Variants in FRMPD2 observed in about 807,000 individuals in gnomAD.
FRMPD2 encodes FERM and PDZ domain containing 2.
In FRMPD2, 96 loss-of-function variants were observed where a neutral mutation model predicts 140.1. That is an observed-to-expected ratio of 0.69 (90% CI 0.58 to 0.81). The LOEUF (loss-of-function observed/expected upper bound fraction) is 0.81, where lower values mean the gene tolerates loss of function less well. FRMPD2 is among the 40% of genes least tolerant of loss of function. The probability of loss-of-function intolerance (pLI) is 0.00; values close to 1 mark genes in which losing one functional copy is unlikely to be tolerated. For synonymous variants in FRMPD2, 449 were observed against 547.6 expected (o/e 0.82, Z 2.52); for missense variants, 1,240 against 1,447.4 (o/e 0.86, Z 2.32).
intron 25 of FRMPD2, among the ~76,000 whole-genome samples, chr10:48,171,568 C>T (rs1838256239): frequency 1.3e-5 from 2 of 152,298 alleles, no homozygotes; most frequent in South Asian, 4.1e-4. Context: ...AATATTACCA[C>T]TTCAACATGT....
At position 48,201,213 on chromosome 10, in the gene FRMPD2, A is replaced by G. The variant is rs368157164; in HGVS notation, c.1954+15T>C. 6.9e-6 allele frequency: 11 copies of G among 1,586,688 alleles called. No individual in the cohort carries two copies. The highest frequency in any genetic ancestry group is 1.8e-5 in the Admixed American group (1 of 55,470). ...ACTTGTCAAAGTGTATATGGAGAAT[A>G]CAGCTTCTACTCACCAAATAAAACA... On this transcript the variant is annotated intron_variant, in intron 15 of 28. Coordinates refer to ENST00000374201, the MANE Select transcript of FRMPD2 (RefSeq NM_001018071.4).
chr10:48,264,094 T>C (rs1789824242), intron 1 of FRMPD2, among the ~76,000 whole-genome samples: 1 of 151,922 alleles, frequency 6.6e-6, no homozygotes, highest in Non-Finnish European at 1.5e-5. Flanking sequence ...CAGCAAATCA[T>C]GATTAAAAAC....
intron 10 of FRMPD2, among the ~76,000 whole-genome samples, chr10:48,228,458 A>G (rs966302339): frequency 6.6e-6 from 1 of 151,976 alleles, no homozygotes; most frequent in Admixed American, 6.5e-5. Flanking sequence ...GTTGTTGAAC[A>G]TAAGTTTAAG....
At chr10:48,236,626 T>A in intron 8 of FRMPD2, 73 bp from the exon 9 acceptor site, 6 of 1,343,794 alleles carry the variant, frequency 4.5e-6, no homozygotes, top group Non-Finnish European at 6.4e-6. Flanking sequence ...TCCCCCATGA[T>A]GCACCTCTGC....
In FRMPD2 at chr10:48,239,487, C is replaced by A. The variant is rs1021213652; in HGVS notation, c.788+118G>T. ...TCATCTGTTAATGGAATAGCATTGG[C>A]ATTTTCTGGAGGAGCAAGAGGCTTC... On this transcript the variant is annotated intron_variant, in intron 7 of 28. Coordinates refer to ENST00000374201, the MANE Select transcript of FRMPD2 (RefSeq NM_001018071.4). The A allele has an allele frequency of 7.6e-6, 5 of 658,544 alleles. No homozygotes were observed. In the African/African-American group the frequency reaches 9.1e-5, roughly 12 times the overall value. The allele number at this position is 658,544 out of a possible 1,614,324, so 40.8% of individuals were successfully genotyped here.
intron 1 of FRMPD2, among the ~76,000 whole-genome samples, chr10:48,262,872 T>C (rs1840617793): frequency 1.3e-5 from 2 of 151,954 alleles, no homozygotes; most frequent in Admixed American, 6.6e-5. Flanking sequence ...ACCTCCTGGG[T>C]TCAAGCAATT....
At chr10:48,203,406 G>T (rs1361943425) in intron 14 of FRMPD2, among the ~76,000 whole-genome samples, 1 of 152,138 alleles carries the variant, frequency 6.6e-6, no homozygotes, top group Admixed American at 6.5e-5. Context: ...ATACGATGAT[G>T]TATAACTCCA....
chr10:48,272,944 A>C (rs1237867447), intron 1 of FRMPD2, among the ~76,000 whole-genome samples: 1 of 152,340 alleles, frequency 6.6e-6, no homozygotes, highest in African/African-American at 2.4e-5. Flanking sequence ...TTCAGTGGTC[A>C]ATTGCAAACA....
At chr10:48,267,669 T>C (rs1328816183) in intron 1 of FRMPD2, among the ~76,000 whole-genome samples, 1 of 152,192 alleles carries the variant, frequency 6.6e-6, no homozygotes, top group Admixed American at 6.5e-5. Context: ...AGGACTCAAA[T>C]AGATATTTCT....
At chr10:48,257,160 C>T (rs143103040) in intron 1 of FRMPD2, among the ~76,000 whole-genome samples, 171 of 151,846 alleles carry the variant, frequency 1.1e-3, no homozygotes, top group African/African-American at 4.0e-3. Context: ...GCCTTCTCCT[C>T]TTCTGTTTTA....
At chr10:48,204,561 A>G (rs1839162737) in intron 14 of FRMPD2, among the ~76,000 whole-genome samples, 1 of 152,256 alleles carries the variant, frequency 6.6e-6, no homozygotes, top group African/African-American at 2.4e-5. Context: ...TACGCCATTA[A>G]AAATTTGAAA....
intron 15 of FRMPD2, among the ~76,000 whole-genome samples, chr10:48,197,732 C>T (rs1838986476): frequency 6.6e-6 from 1 of 152,194 alleles, no homozygotes; most frequent in Non-Finnish European, 1.5e-5. Flanking sequence ...TAGACATTGA[C>T]AGCAGCTGTG....
intron 9 of FRMPD2, among the ~76,000 whole-genome samples, chr10:48,234,740 G>C (rs1839928107): frequency 6.6e-6 from 1 of 152,156 alleles, no homozygotes; most frequent in Admixed American, 6.5e-5. Flanking sequence ...CTAGAGGCAA[G>C]GGTCCAAGGT....
intron 1 of FRMPD2, among the ~76,000 whole-genome samples, chr10:48,268,643 C>A (rs1036398401): frequency 6.6e-6 from 1 of 152,168 alleles, no homozygotes; most frequent in Non-Finnish European, 1.5e-5. Flanking sequence ...ATGAGAAAAA[C>A]CAGTCTCAAA....
intron 7 of FRMPD2, among the ~76,000 whole-genome samples, chr10:48,239,079 C>T (rs1564435850): frequency 6.6e-6 from 1 of 152,160 alleles, no homozygotes; most frequent in South Asian, 2.1e-4. Context: ...CCTAGGCTGA[C>T]CTGCTGGTGG....
At chr10:48,172,498 T>C (rs1433301231) in intron 25 of FRMPD2, among the ~76,000 whole-genome samples, 3 of 152,214 alleles carry the variant, frequency 2.0e-5, no homozygotes, top group African/African-American at 7.2e-5. Flanking sequence ...GATCTTTCGT[T>C]TGCCTTTTAA....
chr10:48,192,975 C>T, intron 15 of FRMPD2, 81 bp from the exon 16 acceptor site: 3 of 1,027,700 alleles, frequency 2.9e-6, no homozygotes, highest in Non-Finnish European at 4.5e-6. Flanking sequence ...TGTAACATAT[C>T]ACTGGGCCCC....
At chr10:48,220,172 A>G (rs561615228) in intron 12 of FRMPD2, among the ~76,000 whole-genome samples, 1 of 152,340 alleles carries the variant, frequency 6.6e-6, no homozygotes, top group East Asian at 1.9e-4. Context: ...ACATTACATT[A>G]CCTGACTTCA....
intron 1 of FRMPD2, among the ~76,000 whole-genome samples, chr10:48,265,967 A>C (rs1457838381): frequency 6.6e-6 from 1 of 152,218 alleles, no homozygotes; most frequent in Admixed American, 6.5e-5. Context: ...GATCAATCTA[A>C]ATGTCCATCA....
Sources: allele counts gnomAD v4.1 joint callset (sites outside exome capture counted in the v4.1 genomes callset), GRCh38; gene constraint gnomAD v4.1.1; transcripts MANE v1.5; gene names NCBI Gene and HGNC (gene_info 2026-07-23, HGNC 2026-07-21).